Variants in CCDC102B observed in about 807,000 individuals in gnomAD.
CCDC102B encodes coiled-coil domain-containing protein 102B.
CCDC102B carries 75 observed loss-of-function variants against 57.4 expected under a neutral mutation model. The observed-to-expected ratio is 1.31, with a 90% CI of 1.08 to 1.58. The LOEUF (loss-of-function observed/expected upper bound fraction) is 1.58, where lower values mean the gene tolerates loss of function less well. CCDC102B is among the 40% of genes most tolerant of loss of function. The pLI is 0.00. For missense variants in CCDC102B, 636 were observed against 582.6 expected (o/e 1.09, Z -0.94); for synonymous variants, 206 against 201.9 (o/e 1.02, Z -0.17).
chr18:68,960,300 A>G (rs2050014766), intron 6 of CCDC102B, among the ~76,000 whole-genome samples: 1 of 152,108 alleles, frequency 6.6e-6, no homozygotes, highest in Non-Finnish European at 1.5e-5. Context: ...CCTCACCAGC[A>G]TTTGTAATTG....
chr18:68,737,392 C>G (rs1028675218), intron 2 of CCDC102B, among the ~76,000 whole-genome samples: 1 of 151,876 alleles, frequency 6.6e-6, no homozygotes, highest in Non-Finnish European at 1.5e-5. Context: ...TCTCTCATAC[C>G]CAAGATCTCC....
At position 68,838,944 on chromosome 18, in the gene CCDC102B, T is replaced by A. The variant is rs906351770; in HGVS notation, c.827+18T>A. The A allele has an allele frequency of 6.3e-7, 1 of 1,591,490 alleles. No individual in the cohort carries two copies. The highest frequency in any genetic ancestry group is 1.1e-5 in the South Asian group (1 of 90,380). ...GAAAGAGAGTAAGTGCTAATCATTG[T>A]CTCCCTTAACCAAGTCTAAGTTTCA... On this transcript the variant is annotated intron_variant, in intron 3 of 7. Transcript: ENST00000360242.
chr18:68,932,705 A>C (rs1166119652), intron 6 of CCDC102B, among the ~76,000 whole-genome samples: 4 of 151,972 alleles, frequency 2.6e-5, no homozygotes, highest in Non-Finnish European at 5.9e-5. Context: ...CCGTTATGAC[A>C]GTCAAGAGAC....
intron 6 of CCDC102B, chr18:68,899,755 T>C (rs1381007947): frequency 6.6e-6 from 1 of 152,164 alleles, no homozygotes; most frequent in African/African-American, 2.4e-5. Context: ...AAGTCCCTAT[T>C]AATTCAAAAA....
Position 68,808,508 on chromosome 18 carries a change from C to T in CCDC102B, c.-16+10327C>T, listed in dbSNP as rs1240004658. ...TTTTTTTTTTTGTGAGACAGAGTCT[C>T]GCTCTTTCGGCCAGGCCGGACTGCA... On this transcript the variant is annotated intron_variant, in intron 1 of 7. Coordinates refer to ENST00000360242, the MANE Select transcript of CCDC102B (RefSeq NM_024781.3). 4.0e-5 allele frequency among the ~76,000 whole-genome samples: 5 copies of T among 123,506 alleles called. No homozygotes were observed. In the East Asian group the frequency reaches 1.2e-3, roughly 30 times the overall value. 81.0% of individuals were successfully genotyped at this position (123,506 alleles called of 152,430 possible).
At chr18:69,027,146 G>T (rs1447947602) in intron 7 of CCDC102B, among the ~76,000 whole-genome samples, 1 of 152,182 alleles carries the variant, frequency 6.6e-6, no homozygotes, top group East Asian at 1.9e-4. Flanking sequence ...ACAGATGTCT[G>T]TTTTGAAATG....
intron 7 of CCDC102B, among the ~76,000 whole-genome samples, chr18:69,033,193 A>C (rs2052195032): frequency 6.6e-6 from 1 of 152,138 alleles, no homozygotes; most frequent in South Asian, 2.1e-4. Context: ...TAGAAACCCA[A>C]GACTTAATTC....
intron 4 of CCDC102B, among the ~76,000 whole-genome samples, chr18:68,851,480 C>T (rs1388012751): frequency 3.3e-5 from 5 of 152,102 alleles, no homozygotes; most frequent in Admixed American, 2.6e-4. Flanking sequence ...ACCTTTTAAA[C>T]AAACATAATT....
chr18:68,989,794 C>T (rs1197886340), intron 6 of CCDC102B, among the ~76,000 whole-genome samples: 3 of 152,154 alleles, frequency 2.0e-5, no homozygotes, highest in African/African-American at 4.8e-5. Flanking sequence ...GTGCTCTACT[C>T]GTCATTAGAG....
At chr18:68,927,781 C>A (rs960313020) in intron 6 of CCDC102B, among the ~76,000 whole-genome samples, 2 of 151,866 alleles carry the variant, frequency 1.3e-5, no homozygotes, top group Non-Finnish European at 2.9e-5. Flanking sequence ...AGTTGAGTGA[C>A]CAGTATCTAG....
intron 5 of CCDC102B, among the ~76,000 whole-genome samples, chr18:68,889,403 GAAAT>G (rs1459007793): frequency 1.3e-5 from 2 of 152,128 alleles, no homozygotes; most frequent in African/African-American, 2.4e-5. Context: ...AGACCTGTGA[GAAAT>G]AAATTAGTGG....
chr18:68,728,903 T>C (rs937642078), intron 2 of CCDC102B, among the ~76,000 whole-genome samples: 1 of 151,992 alleles, frequency 6.6e-6, no homozygotes, highest in African/African-American at 2.4e-5. Flanking sequence ...AAAGCAAAAT[T>C]GTTATTAATC....
intron 6 of CCDC102B, among the ~76,000 whole-genome samples, chr18:68,976,240 T>C (rs913597650): frequency 2.6e-5 from 4 of 152,164 alleles, no homozygotes; most frequent in Admixed American, 2.6e-4. Flanking sequence ...TTCATAAATC[T>C]TAAGTGTCAA....
chr18:68,722,828 G>A lies in CCDC102B; in HGVS notation c.-67+6234G>A, dbSNP rs563557469. On this transcript the variant is annotated intron_variant, in intron 2 of 3. Coordinates refer to the CCDC102B transcript ENST00000578970. ...TTAGGGGAATTTCAGATAGAGAAAG[G>A]TTCTCATGAGCCTCCAGCACCAGCA... Among the ~76,000 whole-genome samples the A allele has an allele frequency of 9.2e-5, 14 of 151,464 alleles. No individual in the cohort carries two copies. The South Asian group carries it at 1.9e-3, about 20-fold the overall frequency.
chr18:68,794,182 T>G (rs977475613), upstream of CCDC102B, among the ~76,000 whole-genome samples: 4 of 152,014 alleles, frequency 2.6e-5, no homozygotes, highest in Non-Finnish European at 1.5e-5. Flanking sequence ...AAACTCAGAG[T>G]TTTACTGCTG....
chr18:68,998,949 T>G, intron 6 of CCDC102B, among the ~76,000 whole-genome samples: 1 of 142,918 alleles, frequency 7.0e-6, no homozygotes, highest in African/African-American at 2.7e-5. Context: ...CACTCAATGT[T>G]AATAATCACA....
intron 7 of CCDC102B, among the ~76,000 whole-genome samples, chr18:69,042,667 A>T (rs923815352): frequency 1.3e-5 from 2 of 152,122 alleles, no homozygotes; most frequent in Non-Finnish European, 2.9e-5. Context: ...TACTGTAATA[A>T]TCTCCACTCC....
rs375264970 is a variant in CCDC102B at position 68,784,778 on chromosome 18, G to C, written c.-66-38588G>C. On this transcript the variant is annotated intron_variant, in intron 2 of 3. Coordinates refer to the CCDC102B transcript ENST00000578970. ...AACAAACCTAGATCTTTTAGTACTTGGTTCAGATTGTCTTTAAAGCCATAG... is the reference window on the plus strand; with the variant it reads ...AACAAACCTAGATCTTTTAGTACTTCGTTCAGATTGTCTTTAAAGCCATAG... 2.6e-5 allele frequency among the ~76,000 whole-genome samples: 4 copies of C among 151,964 alleles called. No individual in the cohort carries two copies. The South Asian group carries it at 8.3e-4, about 31-fold the overall frequency.
chr18:68,913,594 G>T (rs2040956850), intron 6 of CCDC102B, among the ~76,000 whole-genome samples: 1 of 151,298 alleles, frequency 6.6e-6, no homozygotes, highest in South Asian at 2.1e-4. Context: ...GGCAGAGGTT[G>T]CAGTGAGCCG....
Sources: allele counts gnomAD v4.1 joint callset (sites outside exome capture counted in the v4.1 genomes callset), GRCh38; gene constraint gnomAD v4.1.1; transcripts MANE v1.5; gene names NCBI Gene and HGNC (gene_info 2026-07-23, HGNC 2026-07-21).